Variants in SEZ6L observed in about 807,000 individuals in gnomAD.
The protein encoded by SEZ6L is seizure 6-like protein.
SEZ6L carries 37 observed loss-of-function variants against 106.2 expected under a neutral mutation model. The observed-to-expected ratio is 0.35, with a 90% CI of 0.27 to 0.46. The LOEUF (loss-of-function observed/expected upper bound fraction) is 0.46, where lower values mean the gene tolerates loss of function less well. SEZ6L is among the 20% of genes least tolerant of loss of function. The pLI, the probability that SEZ6L is intolerant of heterozygous loss-of-function variation, is 1.00. For synonymous variants in SEZ6L, 541 were observed against 570.4 expected (o/e 0.95, Z 0.73); for missense variants, 1,172 against 1,332.8 (o/e 0.88, Z 1.88).
intron 1 of SEZ6L, among the ~76,000 whole-genome samples, chr22:26,252,744 C>T (rs562748687): frequency 2.8e-4 from 42 of 152,280 alleles, no homozygotes; most frequent in African/African-American, 7.5e-4. Flanking sequence ...CTGCTAGGGA[C>T]GTGATTTTGT....
intron 14 of SEZ6L, 33 bp downstream of exon 14, chr22:26,373,516 AT>A (rs745694096): frequency 7.1e-6 from 11 of 1,555,650 alleles, no homozygotes; most frequent in Non-Finnish European, 9.6e-6. Context: ...AAAAAGTTCA[AT>A]AAATCAAACT....
chr22:26,244,219 C>T (rs773041998), intron 1 of SEZ6L: 2 of 148,094 alleles, frequency 1.4e-5, no homozygotes, highest in African/African-American at 4.9e-5. Context: ...GACCCATCAC[C>T]CAAGTTGCAT....
At chr22:26,213,178 C>G (rs556049753) in intron 1 of SEZ6L, among the ~76,000 whole-genome samples, 6 of 152,242 alleles carry the variant, frequency 3.9e-5, no homozygotes, top group Admixed American at 1.3e-4. Flanking sequence ...TCCCTGACCC[C>G]CAGGTTTTCT....
chr22:26,249,741 G>A (rs1465094265), intron 1 of SEZ6L, among the ~76,000 whole-genome samples: 2 of 152,070 alleles, frequency 1.3e-5, no homozygotes, highest in African/African-American at 4.8e-5. Context: ...TTAATTTTTT[G>A]AGAAACCTTG....
chr22:26,172,512 G>C (rs1213054996), intron 1 of SEZ6L, among the ~76,000 whole-genome samples: 3 of 152,228 alleles, frequency 2.0e-5, no homozygotes, highest in South Asian at 4.1e-4. Context: ...AAATGAGCTC[G>C]ATTTACTGGC....
intron 1 of SEZ6L, among the ~76,000 whole-genome samples, chr22:26,274,104 A>G (rs1222511481): frequency 1.3e-5 from 2 of 152,236 alleles, no homozygotes; most frequent in Non-Finnish European, 2.9e-5. Flanking sequence ...TTTTCAGATT[A>G]TGTTCAAGTC....
chr22:26,293,146 G>A lies in SEZ6L; in HGVS notation c.835G>A (p.Ala279Thr). ...GGTCATCACCACCGAGCAGGCACCA[G>A]GTATGCAGCCCCCAACTCCTGAAGC... ...TTVITTEQAP[A>T]LCSVSFSNPE... The change falls in exon 2 of 17, where the codon GCT becomes ACT. Residue 279 changes from alanine to threonine, a missense_variant and splice_region_variant. Ala to Thr is a moderately conservative substitution (Grantham distance 58). Around this residue, in one of 4 missense-constraint regions of SEZ6L, gnomAD observed 494 missense variants for 445.8 expected, o/e 1.11. Coordinates refer to ENST00000248933, the MANE Select transcript of SEZ6L (RefSeq NM_021115.5). The A allele has an allele frequency of 2.6e-6, 4 of 1,522,960 alleles. No individual in the cohort carries two copies. Among genetic ancestry groups the A allele is most frequent in the South Asian group, 1.2e-5 (1 of 80,254 alleles). The allele number at this position is 1,522,960 out of a possible 1,614,324, so 94.3% of individuals were successfully genotyped here. A position where few individuals can be genotyped will look rare whatever the true frequency, so the allele number is the denominator to read the frequency against.
intron 1 of SEZ6L, among the ~76,000 whole-genome samples, chr22:26,235,827 C>T (rs1233680656): frequency 4.6e-5 from 7 of 152,112 alleles, no homozygotes; most frequent in Admixed American, 6.5e-5. Flanking sequence ...CTGCTTCATC[C>T]GGAGGGCCAT....
At chr22:26,215,422 C>G (rs915951715) in intron 1 of SEZ6L, among the ~76,000 whole-genome samples, 1 of 152,182 alleles carries the variant, frequency 6.6e-6, no homozygotes, top group Non-Finnish European at 1.5e-5. Context: ...TCCTGGTCTT[C>G]TTTTTCCTTG....
At chr22:26,370,384 CA>C (rs1218132248) in intron 13 of SEZ6L, among the ~76,000 whole-genome samples, 2 of 150,078 alleles carry the variant, frequency 1.3e-5, no homozygotes, top group African/African-American at 4.9e-5. Flanking sequence ...CACTCCATCT[CA>C]AAAAAAAGAA....
At chr22:26,365,278 A>T in intron 12 of SEZ6L, 94 bp from the exon 13 acceptor site, 1 of 1,048,484 alleles carries the variant, frequency 9.5e-7, no homozygotes, top group Non-Finnish European at 1.4e-6. Context: ...AGGATGCTGG[A>T]GAGGCTGACC....
At chr22:26,184,136 G>A (rs1386630875) in intron 1 of SEZ6L, among the ~76,000 whole-genome samples, 2 of 152,118 alleles carry the variant, frequency 1.3e-5, no homozygotes, top group African/African-American at 4.8e-5. Flanking sequence ...CTCAATTTGG[G>A]CATATAGACT....
At chr22:26,228,657 T>C (rs1222392667) in intron 1 of SEZ6L, among the ~76,000 whole-genome samples, 1 of 152,210 alleles carries the variant, frequency 6.6e-6, no homozygotes, top group Non-Finnish European at 1.5e-5. Flanking sequence ...TGAATGGTAG[T>C]TGCCACTTAC....
intron 1 of SEZ6L, among the ~76,000 whole-genome samples, chr22:26,210,028 A>T (rs2078112173): frequency 1.3e-5 from 2 of 151,322 alleles, no homozygotes; most frequent in Non-Finnish European, 2.9e-5. Flanking sequence ...ATGAAAAAAA[A>T]TATGTATTAT....
intron 1 of SEZ6L, among the ~76,000 whole-genome samples, chr22:26,277,040 G>T (rs77376727): frequency 2.2e-4 from 34 of 152,088 alleles, no homozygotes; most frequent in Admixed American, 9.8e-4. Flanking sequence ...GCCCATTCGT[G>T]GGGGAGAAGC....
intron 1 of SEZ6L, among the ~76,000 whole-genome samples, chr22:26,248,169 C>G (rs895356715): frequency 1.3e-5 from 2 of 152,182 alleles, no homozygotes; most frequent in Non-Finnish European, 2.9e-5. Flanking sequence ...CCAGGTAGTT[C>G]GTAGAAGTCA....
chr22:26,377,747 A>C lies in SEZ6L; in HGVS notation c.3017A>C (p.Glu1006Ala), dbSNP rs1420860966. 1 of 1,613,762 alleles carries C rather than the reference A, an allele frequency of 6.2e-7. No homozygotes were observed. Among genetic ancestry groups the C allele is most frequent in the Admixed American group, 1.7e-5 (1 of 60,012 alleles). The change falls in exon 16 of 17, where the codon GAG becomes GCG. Residue 1006 changes from glutamate (E) to alanine (A), a missense_variant. By Grantham distance (107) the Glu-to-Ala change is moderately radical. Transcript: ENST00000248933. ...TACAGCCAGATCACCGTGGAAACCGAGTTTGACAACCCCATTTACGAGACA... is the reference window on the plus strand; with the variant it reads ...TACAGCCAGATCACCGTGGAAACCGCGTTTGACAACCCCATTTACGAGACA... Reference protein sequence around the residue: ...HPYSQITVETEFDNPIYETGE... With the variant: ...HPYSQITVETAFDNPIYETGE...
intron 1 of SEZ6L, among the ~76,000 whole-genome samples, chr22:26,208,148 C>T (rs1602034305): frequency 6.6e-6 from 1 of 152,078 alleles, no homozygotes; most frequent in Non-Finnish European, 1.5e-5. Flanking sequence ...ATCTCCTGAC[C>T]TCGTGATCCG....
At chr22:26,364,521 A>G (rs1207542160) in intron 12 of SEZ6L, among the ~76,000 whole-genome samples, 1 of 150,432 alleles carries the variant, frequency 6.6e-6, no homozygotes, top group African/African-American at 2.5e-5. Context: ...TGACCCTGGG[A>G]GGTTAAGGCT....
Sources: gnomAD v4.1 joint callset for allele counts (sites outside exome capture counted in the v4.1 genomes callset) on GRCh38, gnomAD v4.1.1 for gene constraint, gnomAD v4.1.1 regional missense constraint, MANE v1.5 for transcripts, NCBI Gene and HGNC (gene_info 2026-07-23, HGNC 2026-07-21) for gene names.